EPHA6: variants seen among roughly 807,000 people sequenced by gnomAD.
EPHA6 encodes the protein ephrin type-A receptor 6.
In EPHA6, 50 loss-of-function variants were observed where a neutral mutation model predicts 112.0. The ratio of observed to expected loss-of-function variants is 0.45; its 90% CI spans 0.36 to 0.56. EPHA6 has a LOEUF of 0.56. Among genes scored for constraint, EPHA6 ranks in the 20% least tolerant of loss-of-function variants. EPHA6 has a pLI of 0.00. For synonymous variants in EPHA6, 529 were observed against 490.7 expected (o/e 1.08, Z -1.03); for missense variants, 1,280 against 1,417.4 (o/e 0.90, Z 1.56).
intron 5 of EPHA6, among the ~76,000 whole-genome samples, chr3:97,276,012 C>T (rs907099870): frequency 1.3e-5 from 2 of 152,026 alleles, no homozygotes; most frequent in African/African-American, 4.8e-5. Context: ...TAATGTTGTC[C>T]AAGTTGGCAG....
intron 14 of EPHA6, among the ~76,000 whole-genome samples, chr3:97,654,366 A>T (rs895903649): frequency 6.6e-6 from 1 of 151,958 alleles, no homozygotes; most frequent in Non-Finnish European, 1.5e-5. Context: ...CAAATCTGTG[A>T]GTACCTACTG....
intron 10 of EPHA6, among the ~76,000 whole-genome samples, chr3:97,487,410 T>C (rs1393646366): frequency 1.3e-5 from 2 of 152,214 alleles, no homozygotes; most frequent in African/African-American, 4.8e-5. Flanking sequence ...CTTACCACAT[T>C]CACTGAACAA....
At chr3:97,460,775 C>G (rs922361964) in intron 7 of EPHA6, among the ~76,000 whole-genome samples, 4 of 152,128 alleles carry the variant, frequency 2.6e-5, no homozygotes, top group East Asian at 1.9e-4. Context: ...TCCAGCACTC[C>G]TTGGGGTCCG....
At chr3:97,550,779 C>A (rs572500190) in intron 11 of EPHA6, among the ~76,000 whole-genome samples, 36 of 152,070 alleles carry the variant, frequency 2.4e-4, no homozygotes, top group African/African-American at 8.7e-4. Flanking sequence ...TGAGGACCTA[C>A]TTTATTTTAT....
intron 11 of EPHA6, among the ~76,000 whole-genome samples, chr3:97,554,855 C>A (rs2107114996): frequency 6.6e-6 from 1 of 152,048 alleles, no homozygotes; most frequent in East Asian, 1.9e-4. Flanking sequence ...ACTTGCTAAA[C>A]TTGGAGTGAC....
At chr3:97,405,729 TAAATAGA>T (rs963673659) in intron 6 of EPHA6, among the ~76,000 whole-genome samples, 1 of 152,112 alleles carries the variant, frequency 6.6e-6, no homozygotes, top group African/African-American at 2.4e-5. Context: ...ATTTAAGGGA[TAAATAGA>T]AATAGCATAT....
intron 13 of EPHA6, among the ~76,000 whole-genome samples, chr3:97,617,678 A>G (rs1296639720): frequency 6.6e-6 from 1 of 152,162 alleles, no homozygotes; most frequent in Non-Finnish European, 1.5e-5. Flanking sequence ...ATCAAAAAAG[A>G]CAAAGAAAGG....
chr3:97,184,336 GC>G (rs1238138680), intron 3 of EPHA6, among the ~76,000 whole-genome samples: 1 of 152,000 alleles, frequency 6.6e-6, no homozygotes, highest in Non-Finnish European at 1.5e-5. Flanking sequence ...ATGCTCCCTA[GC>G]CATATATGAA....
intron 4 of EPHA6, among the ~76,000 whole-genome samples, chr3:97,237,223 T>A (rs2078705590): frequency 6.6e-6 from 1 of 151,860 alleles, no homozygotes; most frequent in African/African-American, 2.4e-5. Context: ...TATTTTAGAC[T>A]TCACTTATCA....
At chr3:97,045,319 T>C (rs564231677) in intron 3 of EPHA6, among the ~76,000 whole-genome samples, 2 of 152,202 alleles carry the variant, frequency 1.3e-5, no homozygotes, top group Admixed American at 6.5e-5. Context: ...GACAGATGGC[T>C]ACATGCAAAG....
intron 14 of EPHA6, among the ~76,000 whole-genome samples, chr3:97,669,618 G>A (rs931144320): frequency 6.6e-6 from 1 of 150,568 alleles, no homozygotes; most frequent in Non-Finnish European, 1.5e-5. Flanking sequence ...AAAAGAAGAA[G>A]TAGACTTCTG....
At chr3:96,824,919 A>C (rs1244929189) in intron 1 of EPHA6, among the ~76,000 whole-genome samples, 1 of 151,954 alleles carries the variant, frequency 6.6e-6, no homozygotes, top group Non-Finnish European at 1.5e-5. Context: ...CAGTGTTATA[A>C]AATTGAAGAG....
chr3:97,197,914 G>A (rs2077481934), intron 3 of EPHA6, among the ~76,000 whole-genome samples: 1 of 152,076 alleles, frequency 6.6e-6, no homozygotes, highest in Non-Finnish European at 1.5e-5. Flanking sequence ...GTGGGCACCA[G>A]CTGAATTATC....
intron 3 of EPHA6, among the ~76,000 whole-genome samples, chr3:97,054,163 A>AACACAC (rs138411869): frequency 2.5e-4 from 36 of 145,648 alleles, no homozygotes; most frequent in East Asian, 1.2e-3. Flanking sequence ...ATAACTATCT[A>AACACAC]ACACACACAC....
chr3:97,242,667 G>T (rs997062756), intron 4 of EPHA6, among the ~76,000 whole-genome samples: 1 of 151,778 alleles, frequency 6.6e-6, no homozygotes, highest in Non-Finnish European at 1.5e-5. Flanking sequence ...AATATTTAAT[G>T]AATGAATGGC....
intron 14 of EPHA6, chr3:97,646,260 G>A (rs1182613359): frequency 7.8e-6 from 12 of 1,534,246 alleles, no homozygotes; most frequent in Non-Finnish European, 1.0e-5. Context: ...GGCCATGGGA[G>A]CCAGTGGCCA....
Position 97,308,550 on chromosome 3 carries a change from C to T in EPHA6, c.1606+64263C>T, listed in dbSNP as rs183213749. Among the ~76,000 whole-genome samples, 388 of 151,772 alleles carry T rather than the reference C, an allele frequency of 2.6e-3. 3 individuals carry two copies. The highest frequency in any genetic ancestry group is 8.9e-3 in the African/African-American group (368 of 41,482). ...TGCAGAATTTCTTTCACCATCTTAT[C>T]CCTCTATTAACTCCTAATTATCTTT... On this transcript the variant is annotated intron_variant, in intron 5 of 17. Coordinates refer to ENST00000389672, the MANE Select transcript of EPHA6 (RefSeq NM_001080448.3).
chr3:97,709,059 A>G (rs983920615), intron 14 of EPHA6, among the ~76,000 whole-genome samples: 98 of 152,002 alleles, frequency 6.4e-4, no homozygotes, highest in African/African-American at 2.3e-3. Flanking sequence ...GCCCCCACCC[A>G]TAGTCCCTAC....
chr3:96,834,800 A>T lies in EPHA6; in HGVS notation c.385+19792A>T, dbSNP rs542089131. On this transcript the variant is annotated intron_variant, in intron 1 of 17. Coordinates refer to ENST00000389672, the MANE Select transcript of EPHA6 (RefSeq NM_001080448.3). ...TCCATCCCTTATTAACAATGAATTT[A>T]TTGGAAAATGGCGTAATATCTAGGC... 2.0e-4 allele frequency among the ~76,000 whole-genome samples: 31 copies of T among 152,146 alleles called. No homozygotes were observed. The East Asian group carries it at 5.8e-3, about 28-fold the overall frequency.
Sources: gnomAD v4.1 joint callset for allele counts (sites outside exome capture counted in the v4.1 genomes callset) on GRCh38, gnomAD v4.1.1 for gene constraint, MANE v1.5 for transcripts, NCBI Gene and HGNC (gene_info 2026-07-23, HGNC 2026-07-21) for gene names.